GREB1: variants seen among roughly 807,000 people sequenced by gnomAD.
The protein encoded by GREB1 is protein GREB1.
A neutral mutation model predicts 200.7 loss-of-function variants in GREB1; 106 were observed. That is an observed-to-expected ratio of 0.53 (90% confidence interval 0.45 to 0.62). GREB1 has a LOEUF of 0.62. Among genes scored for constraint, GREB1 ranks in the 20% least tolerant of loss-of-function variants. The probability of loss-of-function intolerance (pLI) is 0.00; values close to 1 mark genes in which losing one functional copy is unlikely to be tolerated. For missense variants in GREB1, 2,243 were observed against 2,556.8 expected, an observed-to-expected ratio of 0.88 and a Z score of 2.65; for synonymous variants, 1,132 against 1,092.4, an observed-to-expected ratio of 1.04 and a Z score of -0.72.
chr2:11,569,545 A>G (rs1050600500), intron 4 of GREB1, among the ~76,000 whole-genome samples: 2 of 152,246 alleles, frequency 1.3e-5, no homozygotes, highest in Non-Finnish European at 2.9e-5. Context: ...AATTCTGCCA[A>G]TTGGAGAATA....
intron 15 of GREB1, among the ~76,000 whole-genome samples, chr2:11,599,556 G>C (rs2148232123): frequency 7.6e-6 from 1 of 131,774 alleles, no homozygotes; most frequent in South Asian, 2.4e-4. Flanking sequence ...GTCTCTCTCT[G>C]TCGCCCAGGC....
Position 11,629,268 on chromosome 2 carries a change from G to A in GREB1, c.4450-680G>A, listed in dbSNP as rs1455317409. On this transcript the variant is annotated intron_variant, in intron 25 of 32. Coordinates refer to ENST00000381486, the MANE Select transcript of GREB1 (RefSeq NM_014668.4). The surrounding 1 kb of genome is among the most constrained non-coding windows in gnomAD (Gnocchi z 5.2). Reference sequence around the variant, plus strand: ...GTCGTAAGAGGACGTTCAAGCTGAGGGCAAAGCTGCGCTGGAGGTCACACC... The same window carrying A: ...GTCGTAAGAGGACGTTCAAGCTGAGAGCAAAGCTGCGCTGGAGGTCACACC... 6.6e-6 allele frequency among the ~76,000 whole-genome samples: 1 copy of A among 152,126 alleles called. No homozygotes were observed. The highest frequency in any genetic ancestry group is 6.5e-5 in the Admixed American group (1 of 15,280).
At chr2:11,632,158 C>A in intron 27 of GREB1, 45 bp downstream of exon 27, 1 of 1,378,418 alleles carries the variant, frequency 7.3e-7, no homozygotes, top group Non-Finnish European at 1.0e-6. Flanking sequence ...CTCCTGTGAA[C>A]GAACACTTGA....
intron 2 of GREB1, among the ~76,000 whole-genome samples, 171 bp downstream of exon 2, chr2:11,556,942 T>C (rs1676487700): frequency 6.6e-6 from 1 of 152,226 alleles, no homozygotes; most frequent in Non-Finnish European, 1.5e-5. Flanking sequence ...AAAATGTAAA[T>C]AAGTTTCAGC....
intron 24 of GREB1, among the ~76,000 whole-genome samples, chr2:11,626,024 G>T (rs1316991652): frequency 6.6e-6 from 1 of 152,048 alleles, no homozygotes; most frequent in Admixed American, 6.6e-5. Context: ...TCAGTACCAT[G>T]AGAACAGTAT....
intron 1 of GREB1, among the ~76,000 whole-genome samples, chr2:11,517,690 C>T (rs1164493106): frequency 1.3e-5 from 2 of 151,968 alleles, no homozygotes; most frequent in Admixed American, 6.6e-5. Context: ...CTCGCTCTGT[C>T]GCCCAGGCTG....
chr2:11,542,443 T>A (rs1037386875), intron 1 of GREB1, among the ~76,000 whole-genome samples: 4 of 152,094 alleles, frequency 2.6e-5, no homozygotes, highest in African/African-American at 4.8e-5. Flanking sequence ...GCAGATCCAC[T>A]CTCCCGTAAG....
chr2:11,536,183 A>G (rs1674285452), intron 1 of GREB1, among the ~76,000 whole-genome samples: 1 of 152,160 alleles, frequency 6.6e-6, no homozygotes, highest in African/African-American at 2.4e-5. Flanking sequence ...CCACCACACA[A>G]TTGAAGAGAT....
At chr2:11,544,560 T>C (rs932391421) in intron 1 of GREB1, among the ~76,000 whole-genome samples, 1 of 152,146 alleles carries the variant, frequency 6.6e-6, no homozygotes, top group Non-Finnish European at 1.5e-5. Flanking sequence ...GGCAAACTTT[T>C]GGCTGTTCTA....
rs145197129 is a variant in GREB1 at position 11,506,109 on chromosome 2, G to A, written c.-159+23728G>A. The stretch of plus-strand genomic sequence containing the variant: ...TTATTGAGCACCTGCAGTATGTCAG[G>A]CACCAAGAACAGACCTGTGAGCCCA... On this transcript the variant is annotated intron_variant, in intron 1 of 2. Transcript: ENST00000628795. 1.5e-3 allele frequency among the ~76,000 whole-genome samples: 232 copies of A among 152,252 alleles called. No homozygotes were observed. In the Middle Eastern group the frequency reaches 0.024, roughly 16 times the overall value.
At chr2:11,494,985 T>C (rs77487198) in intron 1 of GREB1, among the ~76,000 whole-genome samples, 5,213 of 152,244 alleles carry the variant, frequency 0.034, 302 homozygotes, top group African/African-American at 0.11. Flanking sequence ...GCTCTCCACA[T>C]CTCCTGCTCT....
At chr2:11,573,590 G>A (rs1207728962) in intron 4 of GREB1, among the ~76,000 whole-genome samples, 1 of 152,196 alleles carries the variant, frequency 6.6e-6, no homozygotes, top group African/African-American at 2.4e-5. Context: ...CCCAGGGCCG[G>A]TTGGGAAGCT....
chr2:11,546,603 C>G (rs986702062), intron 1 of GREB1, among the ~76,000 whole-genome samples: 3 of 152,182 alleles, frequency 2.0e-5, no homozygotes, highest in African/African-American at 7.2e-5. Flanking sequence ...TTGTAACATA[C>G]AAGCTCTGTA....
At chr2:11,562,657 G>T in intron 3 of GREB1, 75 bp downstream of exon 3, 3 of 1,461,256 alleles carry the variant, frequency 2.1e-6, no homozygotes, top group Non-Finnish European at 2.8e-6. Context: ...GGGTGACTGG[G>T]CCTGTGACTG....
chr2:11,495,343 C>T (rs1296089505), intron 1 of GREB1, among the ~76,000 whole-genome samples: 1 of 152,140 alleles, frequency 6.6e-6, no homozygotes, highest in Non-Finnish European at 1.5e-5. Flanking sequence ...AATTTACTAA[C>T]TGGGTGGGAC....
intron 9 of GREB1, 142 bp downstream of exon 9, chr2:11,586,047 A>G: frequency 2.5e-6 from 2 of 810,290 alleles, no homozygotes; most frequent in Non-Finnish European, 4.0e-6. Flanking sequence ...CAGGGCAAGG[A>G]AAGAACAAGG....
rs1423443398 is a variant in GREB1, at chr2:11,615,299, T to A, written c.3322+9T>A. 1.3e-6 allele frequency: 2 copies of A among 1,565,870 alleles called. No individual in the cohort carries two copies. The highest frequency in any genetic ancestry group is 1.7e-6 in the Non-Finnish European group (2 of 1,152,500). On this transcript the variant is annotated intron_variant, in intron 20 of 32. Coordinates refer to ENST00000381486, the MANE Select transcript of GREB1 (RefSeq NM_014668.4). Reference sequence around the variant, plus strand: ...GGAGCTGGGGACAGAAGGTGAGGGATGGCTGCCCTCAGCCTACTTGTCCCT... The same window carrying A: ...GGAGCTGGGGACAGAAGGTGAGGGAAGGCTGCCCTCAGCCTACTTGTCCCT...
chr2:11,622,463 C>T (rs1160595995), intron 23 of GREB1, among the ~76,000 whole-genome samples: 1 of 152,170 alleles, frequency 6.6e-6, no homozygotes, highest in African/African-American at 2.4e-5. Context: ...TATAGTAGGA[C>T]ATGTATTTAA....
At chr2:11,601,849 A>G (rs2148246885) in intron 16 of GREB1, among the ~76,000 whole-genome samples, 1 of 152,358 alleles carries the variant, frequency 6.6e-6, no homozygotes, top group Middle Eastern at 3.4e-3. Flanking sequence ...AGGCAGCTAG[A>G]AAGTCGTGGA....
Sources: allele counts gnomAD v4.1 joint callset (sites outside exome capture counted in the v4.1 genomes callset), GRCh38; gene constraint gnomAD v4.1.1; non-coding constraint Gnocchi (gnomAD v3.1); transcripts MANE v1.5; gene names NCBI Gene and HGNC (gene_info 2026-07-23, HGNC 2026-07-21).